The following ANKRD28 variants were observed in gnomAD, a reference collection of about 807,000 sequenced individuals.
ANKRD28 encodes the protein ankyrin repeat domain 28.
Under a neutral mutation model 126.5 loss-of-function variants are expected in ANKRD28, and 44 were observed. The observed-to-expected ratio is 0.35, with a 90% confidence interval of 0.27 to 0.45. The LOEUF (loss-of-function observed/expected upper bound fraction) is 0.45, where lower values mean the gene tolerates loss of function less well. Among genes scored for constraint, ANKRD28 ranks in the 20% least tolerant of loss-of-function variants. The pLI is 1.00. For missense variants in ANKRD28, 1,110 were observed against 1,316.6 expected (o/e 0.84, Z 2.43); for synonymous variants, 442 against 468.5 (o/e 0.94, Z 0.73).
chr3:15,727,564 C>CA (rs59584114), intron 6 of ANKRD28, among the ~76,000 whole-genome samples: 1,277 of 65,934 alleles, frequency 0.019, 98 homozygotes, highest in African/African-American at 0.071. Flanking sequence ...GAAACTCTGT[C>CA]AAAAAAAAAA....
intron 14 of ANKRD28, chr3:15,697,388 G>C (rs1193346271): frequency 6.6e-6 from 1 of 151,974 alleles, no homozygotes; most frequent in Non-Finnish European, 1.5e-5. Context: ...ATTGCTCAGG[G>C]GACCAGTGCA....
At chr3:15,727,019 AAAG>A (rs201295942) in intron 6 of ANKRD28, among the ~76,000 whole-genome samples, 3,453 of 152,294 alleles carry the variant, frequency 0.023, 132 homozygotes, top group African/African-American at 0.078. Flanking sequence ...TGCTCAGAAA[AAAG>A]AAGATTCCTT....
chr3:15,759,263 T>C lies in ANKRD28; in HGVS notation c.280+6971A>G, dbSNP rs1308719540. ...TCTGAATTCTGCCTCTAGCTTTTAC[T>C]AGCAGTATAAAAACTTTGAAAGTTT... On this transcript the variant is annotated intron_variant, in intron 3 of 27. Transcript: ENST00000683139. 3.3e-5 allele frequency among the ~76,000 whole-genome samples: 5 copies of C among 152,182 alleles called. No homozygotes were observed. The South Asian group carries it at 6.2e-4, about 19-fold the overall frequency.
chr3:15,778,969 C>A (rs2059423260), intron 2 of ANKRD28, among the ~76,000 whole-genome samples: 1 of 152,154 alleles, frequency 6.6e-6, no homozygotes. Flanking sequence ...ATTCTCTCTC[C>A]TGTCACCCTG....
intron 6 of ANKRD28, among the ~76,000 whole-genome samples, chr3:15,731,647 C>T (rs1158922087): frequency 6.6e-6 from 1 of 151,936 alleles, no homozygotes; most frequent in Non-Finnish European, 1.5e-5. Context: ...TGCAGAAGTT[C>T]AAGACCAGCC....
At chr3:15,844,413 T>C (rs2061487264) in intron 1 of ANKRD28, among the ~76,000 whole-genome samples, 1 of 150,862 alleles carries the variant, frequency 6.6e-6, no homozygotes, top group African/African-American at 2.4e-5. Flanking sequence ...GGTAAAGAAG[T>C]GGGAGAACTG....
In ANKRD28 at chr3:15,668,777, T is replaced by C. The variant is rs2066115669; in HGVS notation, c.*1493A>G. 5 of 152,622 alleles carry C rather than the reference T, an allele frequency of 3.3e-5. No individual in the cohort carries two copies. 9.5% of individuals were successfully genotyped at this position (152,622 alleles called of 1,614,324 possible). A position where few individuals can be genotyped will look rare whatever the true frequency, so the allele number is the denominator to read the frequency against. On this transcript the variant is annotated 3_prime_UTR_variant, in exon 28 of 28. Coordinates refer to ENST00000683139, the MANE Select transcript of ANKRD28 (RefSeq NM_001349278.2). Reference sequence around the variant, plus strand: ...AAATAGATCAAAATACTGTTCTGTGTTTTCACACTTTATATTCAGAAAAAC... The same window carrying C: ...AAATAGATCAAAATACTGTTCTGTGCTTTCACACTTTATATTCAGAAAAAC...
intron 20 of ANKRD28, 68 bp downstream of exon 20, chr3:15,685,934 C>G: frequency 8.5e-7 from 1 of 1,177,758 alleles, no homozygotes; most frequent in Non-Finnish European, 1.2e-6. Flanking sequence ...TAAACATAAC[C>G]TAGTTCAGTT....
At chr3:15,775,890 A>C (rs1007326366) in intron 2 of ANKRD28, among the ~76,000 whole-genome samples, 3 of 152,172 alleles carry the variant, frequency 2.0e-5, no homozygotes, top group Admixed American at 6.5e-5. Context: ...TGACCAACTC[A>C]ACATTCAGTC....
intron 3 of ANKRD28, among the ~76,000 whole-genome samples, chr3:15,753,294 C>T (rs183617451): frequency 6.6e-6 from 1 of 152,302 alleles, no homozygotes; most frequent in Admixed American, 6.5e-5. Context: ...GTAATGCCAA[C>T]GTTTGTTTTG....
Position 15,829,880 on chromosome 3 carries a change from A to G in ANKRD28, c.27+29497T>C, listed in dbSNP as rs116877764. On this transcript the variant is annotated intron_variant, in intron 1 of 27. Coordinates refer to the ANKRD28 transcript ENST00000399451. ...ATATTTTCAATAAAAGGTTTGCCAA[A>G]GAGCCAAATCTGAATAACCATAATG... Among the ~76,000 whole-genome samples, 607 of 152,184 alleles carry G rather than the reference A, an allele frequency of 4.0e-3. 1 individual carries two copies. Among genetic ancestry groups the G allele is most frequent in the East Asian group, 0.023 (118 of 5,174 alleles).
intron 17 of ANKRD28, among the ~76,000 whole-genome samples, chr3:15,693,097 G>A (rs1172585996): frequency 2.0e-5 from 3 of 152,166 alleles, no homozygotes; most frequent in Admixed American, 6.5e-5. Context: ...AGGGACTGGG[G>A]AAAGGAGAAA....
intron 4 of ANKRD28, among the ~76,000 whole-genome samples, chr3:15,749,273 G>A (rs1261597556): frequency 1.3e-5 from 2 of 150,700 alleles, no homozygotes; most frequent in Non-Finnish European, 3.0e-5. Flanking sequence ...ACCGCGCCCG[G>A]CTAATTTTTT....
At chr3:15,858,842 C>G (rs902702598) in intron 1 of ANKRD28, among the ~76,000 whole-genome samples, 2 of 152,254 alleles carry the variant, frequency 1.3e-5, no homozygotes, top group East Asian at 1.9e-4. Context: ...CTTCATAAGT[C>G]AAGAAAAGTA....
At chr3:15,751,484 T>C (rs1277700139) in intron 4 of ANKRD28, among the ~76,000 whole-genome samples, 1 of 152,170 alleles carries the variant, frequency 6.6e-6, no homozygotes, top group African/African-American at 2.4e-5. Flanking sequence ...AGGAAGAATA[T>C]ATAGGACAGA....
rs141561908 is a variant in ANKRD28 at position 15,779,473 on chromosome 3, G to C, written c.202-13161C>G. Among the ~76,000 whole-genome samples the C allele has an allele frequency of 9.8e-5, 15 of 152,290 alleles. No homozygotes were observed. The East Asian group carries it at 2.7e-3, about 27-fold the overall frequency. On this transcript the variant is annotated intron_variant, in intron 2 of 27. Coordinates refer to ENST00000683139, the MANE Select transcript of ANKRD28 (RefSeq NM_001349278.2). ...ATTACTTATAATGCTAAGCCACTAGGTAGAATTGAGAGGTGACATACCAGG... is the reference window on the plus strand; with the variant it reads ...ATTACTTATAATGCTAAGCCACTAGCTAGAATTGAGAGGTGACATACCAGG...
chr3:15,859,763 C>G (rs966174365), exon 1 of ANKRD28: 1 of 153,134 alleles, frequency 6.5e-6, no homozygotes, highest in African/African-American at 2.4e-5. Context: ...TGGCAGCCCC[C>G]GCGGCCGCGC....
intron 4 of ANKRD28, among the ~76,000 whole-genome samples, chr3:15,749,111 T>TTTTTTG (rs2057696288): frequency 7.4e-6 from 1 of 134,632 alleles, no homozygotes; most frequent in Non-Finnish European, 1.6e-5. Flanking sequence ...GTTTTTTTTT[T>TTTTTTG]TTTTTTTTTT....
Position 15,830,237 on chromosome 3 carries a change from T to G in ANKRD28, c.27+29140A>C, listed in dbSNP as rs999520298. Among the ~76,000 whole-genome samples, 7 of 152,202 alleles carry G rather than the reference T, an allele frequency of 4.6e-5. No individual in the cohort carries two copies. The highest frequency in any genetic ancestry group is 7.4e-5 in the Non-Finnish European group (5 of 68,022). ...AAAAACGCATATAACATTTTATTATTATGATAACAGTTTTGACTTTAGGGA... is the reference window on the plus strand; with the variant it reads ...AAAAACGCATATAACATTTTATTATGATGATAACAGTTTTGACTTTAGGGA... On this transcript the variant is annotated intron_variant, in intron 1 of 27. Coordinates refer to the ANKRD28 transcript ENST00000399451. This position sits in a 1 kb window ranked among gnomAD's most constrained non-coding sequence, Gnocchi z 4.5.
Sources: allele counts gnomAD v4.1 joint callset (sites outside exome capture counted in the v4.1 genomes callset), GRCh38; gene constraint gnomAD v4.1.1; non-coding constraint Gnocchi (gnomAD v3.1); transcripts MANE v1.5; gene names NCBI Gene and HGNC (gene_info 2026-07-23, HGNC 2026-07-21).